CTSZ: variants seen among roughly 807,000 people sequenced by gnomAD.
CTSZ encodes the protein carboxypeptidase LB.
Under a neutral mutation model 32.4 loss-of-function variants are expected in CTSZ, and 39 were observed. The ratio of observed to expected loss-of-function variants is 1.20; its 90% CI spans 0.93 to 1.57. The LOEUF is 1.57. CTSZ is among the 40% of genes most tolerant of loss of function. The pLI is 0.00. For missense variants in CTSZ, 397 were observed against 419.6 expected (o/e 0.95, Z 0.47); for synonymous variants, 168 against 170.1 (o/e 0.99, Z 0.10).
chr20:59,007,151 C>A lies in CTSZ; in HGVS notation c.-23G>T. On this transcript the variant is annotated 5_prime_UTR_variant, in exon 1 of 6. Coordinates refer to ENST00000217131, the MANE Select transcript of CTSZ (RefSeq NM_001336.4). ...CATGGCCCCGCGCCGGCTCCTGGGT[C>A]CCGCTCCGGATCCCGCTCCGAGTCC... 1.7e-5 allele frequency: 23 copies of A among 1,325,672 alleles called. No individual in the cohort carries two copies. The highest frequency in any genetic ancestry group is 2.1e-5 in the Non-Finnish European group (22 of 1,046,018). 82.1% of individuals were successfully genotyped at this position (1,325,672 alleles called of 1,614,324 possible).
In CTSZ at chr20:58,995,589, A is replaced by C; in HGVS notation, c.*60T>G. On this transcript the variant is annotated 3_prime_UTR_variant, in exon 6 of 6. Coordinates refer to ENST00000217131, the MANE Select transcript of CTSZ (RefSeq NM_001336.4). ...CCAGCCTGGCACACATAACCATAGG[A>C]TCCCCTCTGGTCATGGGTCACCATG... 1 of 1,460,286 alleles carries C rather than the reference A, an allele frequency of 6.8e-7. No homozygotes were observed. Among genetic ancestry groups the C allele is most frequent in the Non-Finnish European group, 9.6e-7 (1 of 1,041,964 alleles). The allele number at this position is 1,460,286 out of a possible 1,614,324, so 90.5% of individuals were successfully genotyped here.
Position 58,996,775 on chromosome 20 carries a change from A to C in CTSZ, c.665T>G (p.Leu222Arg). The change falls in exon 5 of 6, where the codon CTG becomes CGG. Residue 222 changes from leucine (L) to arginine (R), a missense_variant. Physicochemically the swap from Leu to Arg is moderately radical, Grantham distance 102. Transcript: ENST00000217131. The stretch of plus-strand genomic sequence containing the variant: ...ATAGATGCCTCCGGTGTAGTTAGCC[A>C]GTCTTTCTGTTGCCATTATTCCACA... ...ISCGIMATER[L>R]ANYTGGIYAE... The C allele has an allele frequency of 6.2e-7, 1 of 1,614,156 alleles. No homozygotes were observed. Among genetic ancestry groups the C allele is most frequent in the Non-Finnish European group, 8.5e-7 (1 of 1,180,022 alleles).
intron 3 of CTSZ, among the ~76,000 whole-genome samples, chr20:58,999,748 G>A (rs755868205): frequency 2.0e-5 from 3 of 152,218 alleles, no homozygotes; most frequent in Non-Finnish European, 2.9e-5. Context: ...CTCTGGCTGT[G>A]AGGGAGATCT....
intron 2 of CTSZ, 52 bp downstream of exon 2, chr20:59,006,270 C>T: frequency 6.5e-7 from 1 of 1,529,502 alleles, no homozygotes; most frequent in Non-Finnish European, 8.8e-7. Flanking sequence ...GGCCTATAAA[C>T]AGGCAGCCGG....
chr20:59,001,225 G>A (rs542188372), intron 3 of CTSZ, among the ~76,000 whole-genome samples: 10 of 152,324 alleles, frequency 6.6e-5, no homozygotes, highest in African/African-American at 1.9e-4. Context: ...CAGCCCAAGC[G>A]GGTGCAAGAT....
Position 59,007,215 on chromosome 20 carries a change from G to GCCTCGT in CTSZ, c.-88_-87insACGAGG. 1 of 1,193,674 alleles carries GCCTCGT rather than the reference G, an allele frequency of 8.4e-7. No homozygotes were observed. Among genetic ancestry groups the GCCTCGT allele is most frequent in the Non-Finnish European group, 1.0e-6 (1 of 969,408 alleles). 73.9% of individuals were successfully genotyped at this position (1,193,674 alleles called of 1,614,324 possible). On this transcript the variant is annotated 5_prime_UTR_variant, in exon 1 of 6. Coordinates refer to ENST00000217131, the MANE Select transcript of CTSZ (RefSeq NM_001336.4). ...GGCTCCCGCTCTGGATCCCGCCCCGGCCTCGGCCTCGGCCCAGCACCCGGC... is the reference window on the plus strand; with the variant it reads ...GGCTCCCGCTCTGGATCCCGCCCCGGCCTCGTCCTCGGCCTCGGCCCAGCACCCGGC...
At chr20:59,005,627 C>A (rs2091906002) in intron 2 of CTSZ, among the ~76,000 whole-genome samples, 2 of 152,242 alleles carry the variant, frequency 1.3e-5, no homozygotes, top group African/African-American at 2.4e-5. Context: ...CCAGGCCACG[C>A]AAGTCCCATC....
intron 2 of CTSZ, among the ~76,000 whole-genome samples, chr20:59,003,737 G>A (rs2091898629): frequency 6.6e-6 from 1 of 152,108 alleles, no homozygotes; most frequent in Non-Finnish European, 1.5e-5. Context: ...GAGAGAGGAG[G>A]TGCCTGGTGG....
At position 58,995,547 on chromosome 20, in the gene CTSZ, AC is replaced by A; in HGVS notation, c.*101del. On this transcript the variant is annotated 3_prime_UTR_variant, in exon 6 of 6. Transcript: ENST00000217131. Reference sequence around the variant, plus strand: ...TCCTCGCCATCCAATATTGATAGCCACCCCAGTTCCTGCCAGCCAGCCTGGC... The same window carrying A: ...TCCTCGCCATCCAATATTGATAGCCACCCAGTTCCTGCCAGCCAGCCTGGC... 9.7e-7 allele frequency: 1 copy of A among 1,028,514 alleles called. No individual in the cohort carries two copies. The highest frequency in any genetic ancestry group is 1.5e-6 in the Non-Finnish European group (1 of 672,468). The allele number at this position is 1,028,514 out of a possible 1,614,324, so 63.7% of individuals were successfully genotyped here. A position where few individuals can be genotyped will look rare whatever the true frequency, so the allele number is the denominator to read the frequency against.
At chr20:59,000,552 G>C (rs1286829028) in intron 3 of CTSZ, among the ~76,000 whole-genome samples, 3 of 152,200 alleles carry the variant, frequency 2.0e-5, no homozygotes, top group African/African-American at 7.2e-5. Context: ...AGCCGCACCT[G>C]AATGTGGGGG....
At chr20:58,996,433 C>G (rs531232121) in intron 5 of CTSZ, among the ~76,000 whole-genome samples, 2 of 152,214 alleles carry the variant, frequency 1.3e-5, no homozygotes, top group African/African-American at 4.8e-5. Context: ...GCTGAACACC[C>G]AAAGTGCACA....
At chr20:58,997,188 G>A (rs1424217238) in intron 4 of CTSZ, among the ~76,000 whole-genome samples, 1 of 149,944 alleles carries the variant, frequency 6.7e-6, no homozygotes, top group Non-Finnish European at 1.5e-5. Context: ...AAAAAAATCT[G>A]GTATGACAAC....
At position 59,004,576 on chromosome 20, in the gene CTSZ, G is replaced by A. The variant is rs2091901894; in HGVS notation, c.307+1746C>T. On this transcript the variant is annotated intron_variant, in intron 2 of 5. Coordinates refer to ENST00000217131, the MANE Select transcript of CTSZ (RefSeq NM_001336.4). This position sits in a 1 kb window ranked among gnomAD's most constrained non-coding sequence, Gnocchi z 5.6. ...CCAGAATTGGGGCGGGGTGGGGCCG[G>A]GGGCTTTGTGTTCCTTTTTTCCAGG... 6.6e-6 allele frequency among the ~76,000 whole-genome samples: 1 copy of A among 152,082 alleles called. No homozygotes were observed. Among genetic ancestry groups the A allele is most frequent in the South Asian group, 2.1e-4 (1 of 4,824 alleles).
Position 59,007,112 on chromosome 20 carries a change from G to C in CTSZ, c.17C>G (p.Pro6Arg), listed in dbSNP as rs1361104284. 1.0e-5 allele frequency: 14 copies of C among 1,403,198 alleles called. No individual in the cohort carries two copies. The highest frequency in any genetic ancestry group is 1.3e-5 in the Non-Finnish European group (14 of 1,084,504). The allele number at this position is 1,403,198 out of a possible 1,614,324, so 86.9% of individuals were successfully genotyped here. A position where few individuals can be genotyped will look rare whatever the true frequency, so the allele number is the denominator to read the frequency against. ...GAGCAGCAGAAGCGGCCGCCACCCTGGCCCGCGCCTCGCCATGGCCCCGCG... is the reference window on the plus strand; with the variant it reads ...GAGCAGCAGAAGCGGCCGCCACCCTCGCCCGCGCCTCGCCATGGCCCCGCG... MARRG[P>R]GWRPLLLLVL... The change falls in exon 1 of 6, where the codon CCA becomes CGA. Residue 6 changes from proline (P) to arginine (R), a missense_variant. By Grantham distance (103) the Pro-to-Arg change is moderately radical. Coordinates refer to ENST00000217131, the MANE Select transcript of CTSZ (RefSeq NM_001336.4).
Position 58,995,472 on chromosome 20 carries a change from A to G in CTSZ, c.*177T>C. On this transcript the variant is annotated 3_prime_UTR_variant, in exon 6 of 6. Coordinates refer to ENST00000217131, the MANE Select transcript of CTSZ (RefSeq NM_001336.4). Reference sequence around the variant, plus strand: ...AGAGCCATGCTGTGCAAGTGTCATAAGTCATCCCACTTTCAACTCTCAGGA... The same window carrying G: ...AGAGCCATGCTGTGCAAGTGTCATAGGTCATCCCACTTTCAACTCTCAGGA... 1.7e-6 allele frequency: 1 copy of G among 585,416 alleles called. No individual in the cohort carries two copies. Among genetic ancestry groups the G allele is most frequent in the Non-Finnish European group, 3.0e-6 (1 of 329,296 alleles). 36.3% of individuals were successfully genotyped at this position (585,416 alleles called of 1,614,324 possible).
chr20:58,997,039 C>T (rs898924137), intron 4 of CTSZ, among the ~76,000 whole-genome samples: 5 of 151,806 alleles, frequency 3.3e-5, no homozygotes, highest in African/African-American at 9.7e-5. Flanking sequence ...CGCCAGTAGT[C>T]CCAGCTACTC....
Position 59,006,392 on chromosome 20 carries a change from G to A in CTSZ, c.237C>T (p.Ile79=). Residue 79 remains isoleucine (I), a synonymous_variant, in exon 2 of 6, where the codon ATC becomes ATT. Transcript: ENST00000217131. ...ATTGGGGGATGTGCTGGTTCCGGGT[G>A]ATGCTGGCATAGTTGACACCATCCA... ...RNVDGVNYAS[I]TRNQHIPQYC... 6.2e-7 allele frequency: 1 copy of A among 1,614,008 alleles called. No individual in the cohort carries two copies. The highest frequency in any genetic ancestry group is 1.7e-5 in the Admixed American group (1 of 60,032).
rs1014924349 is a variant in CTSZ at position 59,004,631 on chromosome 20, G to A, written c.307+1691C>T. Among the ~76,000 whole-genome samples, 3 of 152,104 alleles carry A rather than the reference G, an allele frequency of 2.0e-5. No individual in the cohort carries two copies. The highest frequency in any genetic ancestry group is 1.9e-4 in the East Asian group (1 of 5,182). ...AGAGCTTCCCTGAGTGGGAAGGGAC[G>A]GGCTCAGTGAGGGGACAAGACAGTT... is the stretch of plus-strand genomic sequence containing the variant. On this transcript the variant is annotated intron_variant, in intron 2 of 5. Coordinates refer to ENST00000217131, the MANE Select transcript of CTSZ (RefSeq NM_001336.4). This position sits in a 1 kb window ranked among gnomAD's most constrained non-coding sequence, Gnocchi z 5.6.
Position 59,007,011 on chromosome 20 carries a change from C to T in CTSZ, c.118G>A (p.Asp40Asn). The change falls in exon 1 of 6, where the codon GAC becomes AAC. Residue 40 changes from aspartate to asparagine, a missense_variant. By Grantham distance (23) the Asp-to-Asn change is conservative. Transcript: ENST00000217131. The stretch of plus-strand genomic sequence containing the variant: ...CTGCGCCCCAGCGGAGCCAGCCCGT[C>T]CCCCCGCAGAGGCCGGTAGCAGGTC... Reference protein sequence around the residue: ...GQTCYRPLRGDGLAPLGRSTY... With the variant: ...GQTCYRPLRGNGLAPLGRSTY... 1.4e-6 allele frequency: 2 copies of T among 1,470,584 alleles called. No homozygotes were observed. The highest frequency in any genetic ancestry group is 1.3e-5 in the South Asian group (1 of 77,544). 91.1% of individuals were successfully genotyped at this position (1,470,584 alleles called of 1,614,324 possible).
Sources: allele counts gnomAD v4.1 joint callset (sites outside exome capture counted in the v4.1 genomes callset), GRCh38; gene constraint gnomAD v4.1.1; non-coding constraint Gnocchi (gnomAD v3.1); transcripts MANE v1.5; gene names NCBI Gene and HGNC (gene_info 2026-07-23, HGNC 2026-07-21).